Variants in PAM observed in about 807,000 individuals in gnomAD.
PAM encodes peptidyl-glycine alpha-amidating monooxygenase.
Under a neutral mutation model 122.1 loss-of-function variants are expected in PAM, and 72 were observed. The ratio of observed to expected loss-of-function variants is 0.59; its 90% CI spans 0.49 to 0.72. The LOEUF is 0.72. PAM is among the 30% of genes least tolerant of loss of function. The pLI is 0.00. For synonymous variants in PAM, 389 were observed against 404.4 expected (o/e 0.96, Z 0.46); for missense variants, 1,106 against 1,183.7 (o/e 0.93, Z 0.96).
intron 3 of PAM, among the ~76,000 whole-genome samples, chr5:102,886,985 C>CA (rs1415071233): frequency 6.6e-6 from 1 of 152,036 alleles, no homozygotes; most frequent in Admixed American, 6.6e-5. Context: ...CATATAGTAT[C>CA]AAAAAGATTG....
intron 3 of PAM, among the ~76,000 whole-genome samples, chr5:102,900,778 T>C (rs1430508939): frequency 2.0e-5 from 3 of 151,562 alleles, no homozygotes; most frequent in African/African-American, 7.3e-5. Context: ...ATATATTTGA[T>C]AGTGAAAAAA....
intron 1 of PAM, among the ~76,000 whole-genome samples, chr5:102,845,181 T>C (rs894981505): frequency 6.6e-6 from 1 of 152,202 alleles, no homozygotes; most frequent in African/African-American, 2.4e-5. Context: ...ACTTTTAAAA[T>C]GGTTTATAAC....
At chr5:102,770,974 A>G (rs992575277) in intron 1 of PAM, among the ~76,000 whole-genome samples, 5 of 152,048 alleles carry the variant, frequency 3.3e-5, no homozygotes, top group African/African-American at 1.2e-4. Flanking sequence ...GTTTGTTTTA[A>G]GGTGATAAGA....
intron 7 of PAM, among the ~76,000 whole-genome samples, chr5:102,936,954 AG>A: frequency 6.6e-6 from 1 of 152,308 alleles, no homozygotes; most frequent in East Asian, 1.9e-4. Context: ...CTAGGACATG[AG>A]CAGAATAATT....
intron 1 of PAM, among the ~76,000 whole-genome samples, chr5:102,768,498 A>ACTTCC (rs150201269): frequency 0.47 from 70,937 of 151,328 alleles, 16,734 homozygotes; most frequent in East Asian, 0.52. Flanking sequence ...TAACCTCTCC[A>ACTTCC]CTTCCCGGTC....
chr5:102,905,214 G>A (rs114222055), intron 4 of PAM, among the ~76,000 whole-genome samples: 1,573 of 151,634 alleles, frequency 0.01, 24 homozygotes, highest in South Asian at 0.037. Context: ...GACACTCAGC[G>A]GAATTGGCTC....
intron 1 of PAM, among the ~76,000 whole-genome samples, chr5:102,834,136 C>T (rs1349069362): frequency 2.0e-5 from 3 of 152,068 alleles, no homozygotes; most frequent in Admixed American, 1.3e-4. Flanking sequence ...TGCCAATTTA[C>T]TGATATACTA....
chr5:102,858,072 A>G (rs1228459945), intron 1 of PAM, among the ~76,000 whole-genome samples: 1 of 152,222 alleles, frequency 6.6e-6, no homozygotes, highest in Admixed American at 6.5e-5. Flanking sequence ...TCTCAAAGTC[A>G]TAAGAATTCA....
chr5:102,997,656 G>T (rs1412618609), intron 16 of PAM, among the ~76,000 whole-genome samples: 1 of 152,024 alleles, frequency 6.6e-6, no homozygotes, highest in Non-Finnish European at 1.5e-5. Context: ...CCAAAAAGTG[G>T]ATAATGAAAT....
intron 8 of PAM, among the ~76,000 whole-genome samples, chr5:102,947,268 C>T (rs1445132233): frequency 2.0e-5 from 3 of 152,154 alleles, no homozygotes; most frequent in African/African-American, 7.2e-5. Context: ...TGATATGGCA[C>T]CTGGCCTCCA....
At chr5:102,757,123 C>T (rs1191390322) in intron 1 of PAM, among the ~76,000 whole-genome samples, 1 of 152,094 alleles carries the variant, frequency 6.6e-6, no homozygotes, top group Admixed American at 6.5e-5. Flanking sequence ...GTCAGAAGTT[C>T]CGTACCAGCC....
At chr5:102,871,540 A>G (rs1787449388) in intron 3 of PAM, among the ~76,000 whole-genome samples, 1 of 151,784 alleles carries the variant, frequency 6.6e-6, no homozygotes, top group Admixed American at 6.6e-5. Context: ...ATTCATAAGT[A>G]GTTGTTTTCA....
intron 5 of PAM, among the ~76,000 whole-genome samples, chr5:102,917,377 A>G (rs988883632): frequency 3.9e-5 from 6 of 152,216 alleles, no homozygotes; most frequent in African/African-American, 1.4e-4. Context: ...CTATTCTTCA[A>G]TTATTCTAAG....
intron 15 of PAM, among the ~76,000 whole-genome samples, chr5:102,989,336 T>A (rs1359066844): frequency 6.6e-6 from 1 of 151,926 alleles, no homozygotes; most frequent in Non-Finnish European, 1.5e-5. Context: ...AGATGCCATC[T>A]CTCGAATAAA....
intron 16 of PAM, among the ~76,000 whole-genome samples, chr5:102,991,331 C>T (rs1774004314): frequency 6.6e-6 from 1 of 152,138 alleles, no homozygotes; most frequent in Non-Finnish European, 1.5e-5. Context: ...CACAATTTAG[C>T]AGCTTATTTT....
chr5:102,842,909 C>G (rs976717220), intron 1 of PAM, among the ~76,000 whole-genome samples: 1 of 152,056 alleles, frequency 6.6e-6, no homozygotes, highest in East Asian at 1.9e-4. Context: ...TTGGTAAATT[C>G]GCCATAATCT....
chr5:102,812,352 C>T (rs1448897822), intron 1 of PAM, among the ~76,000 whole-genome samples: 1 of 151,856 alleles, frequency 6.6e-6, no homozygotes, highest in African/African-American at 2.4e-5. Flanking sequence ...TAATTTATAT[C>T]TAGTAGCTGT....
chr5:102,794,968 TC>T (rs1165766147), intron 1 of PAM, among the ~76,000 whole-genome samples: 1 of 151,712 alleles, frequency 6.6e-6, no homozygotes, highest in African/African-American at 2.4e-5. Context: ...GGCTCGCAGA[TC>T]ACTTGTGCCC....
At chr5:102,908,516 A>G (rs555836337) in intron 4 of PAM, among the ~76,000 whole-genome samples, 4 of 147,340 alleles carry the variant, frequency 2.7e-5, no homozygotes, top group African/African-American at 7.4e-5. Context: ...GAATTGAACA[A>G]TGAGATCACA....
Sources: gnomAD v4.1 joint callset for allele counts (sites outside exome capture counted in the v4.1 genomes callset) on GRCh38, gnomAD v4.1.1 for gene constraint, MANE v1.5 for transcripts, NCBI Gene and HGNC (gene_info 2026-07-23, HGNC 2026-07-21) for gene names.